The following EXT1 variants were observed in gnomAD, a reference collection of about 807,000 sequenced individuals.
The protein encoded by EXT1 is exostosin glycosyltransferase 1, also known as exostosin-1.
Under a neutral mutation model 82.5 loss-of-function variants are expected in EXT1, and 20 were observed. That is an observed-to-expected ratio of 0.24 (90% CI 0.17 to 0.35). The LOEUF (loss-of-function observed/expected upper bound fraction) is 0.35. Among genes scored for constraint, EXT1 ranks in the 10% least tolerant of loss-of-function variants. The pLI, the probability that EXT1 is intolerant of heterozygous loss-of-function variation, is 1.00. For synonymous variants in EXT1, 348 were observed against 350.8 expected (o/e 0.99, Z 0.09); for missense variants, 757 against 936.5 (o/e 0.81, Z 2.50).
At chr8:117,861,983 C>T (rs1389649041) in intron 1 of EXT1, among the ~76,000 whole-genome samples, 1 of 145,694 alleles carries the variant, frequency 6.9e-6, no homozygotes, top group African/African-American at 2.4e-5. Flanking sequence ...AAGCCACGGA[C>T]ATTAGTGTGA....
At chr8:118,012,036 T>C (rs933439990) in intron 1 of EXT1, among the ~76,000 whole-genome samples, 8 of 152,188 alleles carry the variant, frequency 5.3e-5, no homozygotes, top group African/African-American at 1.9e-4. Flanking sequence ...AGAGGTTTGT[T>C]CTCAGATCCA....
intron 1 of EXT1, among the ~76,000 whole-genome samples, chr8:118,051,263 C>T (rs1816712723): frequency 6.6e-6 from 1 of 151,872 alleles, no homozygotes; most frequent in Non-Finnish European, 1.5e-5. Context: ...CACTGGAGCT[C>T]GGAGGTCGAG....
intron 1 of EXT1, among the ~76,000 whole-genome samples, chr8:117,908,576 G>A (rs1274913689): frequency 2.6e-5 from 4 of 151,652 alleles, no homozygotes; most frequent in African/African-American, 4.8e-5. Context: ...GTTGCAGTGA[G>A]CCAAGATCGT....
chr8:117,978,616 A>G (rs905183052), intron 1 of EXT1, among the ~76,000 whole-genome samples: 2 of 152,234 alleles, frequency 1.3e-5, no homozygotes, highest in African/African-American at 4.8e-5. Context: ...GGAATAATAA[A>G]CTAAAAATTC....
chr8:118,082,424 T>C (rs544114022), intron 1 of EXT1, among the ~76,000 whole-genome samples: 165 of 152,354 alleles, frequency 1.1e-3, no homozygotes, highest in African/African-American at 3.9e-3. Context: ...ATCTTAAGAT[T>C]ACGGCTGGAA....
At chr8:118,050,968 C>G (rs528254198) in intron 1 of EXT1, among the ~76,000 whole-genome samples, 198 of 152,226 alleles carry the variant, frequency 1.3e-3, no homozygotes, top group Middle Eastern at 3.4e-3. Context: ...CATCACACCT[C>G]ACAGAAAGAA....
chr8:117,929,345 G>A (rs533415328), intron 1 of EXT1, among the ~76,000 whole-genome samples: 1 of 152,290 alleles, frequency 6.6e-6, no homozygotes, highest in Admixed American at 6.5e-5. Context: ...AGCTCTGAGT[G>A]CTTCCCTCTT....
intron 7 of EXT1, among the ~76,000 whole-genome samples, chr8:117,817,359 T>C (rs1212331806): frequency 1.3e-5 from 2 of 152,144 alleles, no homozygotes. Flanking sequence ...AATAAACTGA[T>C]TTTGTCATTC....
chr8:118,028,383 G>C (rs1816240755), intron 1 of EXT1, among the ~76,000 whole-genome samples: 1 of 152,168 alleles, frequency 6.6e-6, no homozygotes, highest in Admixed American at 6.5e-5. Context: ...ATTCTTGATA[G>C]AAATTCCAAC....
chr8:117,898,004 C>T (rs918337109), intron 1 of EXT1, among the ~76,000 whole-genome samples: 1 of 152,176 alleles, frequency 6.6e-6, no homozygotes, highest in Non-Finnish European at 1.5e-5. Context: ...AAAATACTTT[C>T]TAAGTGATTA....
At chr8:118,014,203 A>C (rs1815960786) in intron 1 of EXT1, among the ~76,000 whole-genome samples, 2 of 152,320 alleles carry the variant, frequency 1.3e-5, no homozygotes, top group South Asian at 4.1e-4. Context: ...AATGGGGTTA[A>C]AGATATTGGT....
At chr8:117,856,488 G>A (rs555996545) in intron 1 of EXT1, among the ~76,000 whole-genome samples, 86 of 137,942 alleles carry the variant, frequency 6.2e-4, no homozygotes, top group Non-Finnish European at 2.3e-4. Flanking sequence ...GGATGGTCTC[G>A]ATCTCCTGAC....
chr8:118,077,861 CTATAT>C (rs58611425), intron 1 of EXT1, among the ~76,000 whole-genome samples: 45,708 of 151,570 alleles, frequency 0.3, 7,338 homozygotes, highest in East Asian at 0.49. Context: ...TACTTACAGC[CTATAT>C]TATAATTTCG....
rs146983754 is a variant in EXT1 at position 117,835,464 on chromosome 8, C to T, written c.1144G>A (p.Asp382Asn). ...CTTACCTGTAATAACAATCTCTCAT[C>T]GCCTATGACGGCAGCTTGGTTCCAA... ...INWNQAAVIG[D>N]ERLLLQIPST... The change falls in exon 3 of 11, where the codon GAT becomes AAT. Residue 382 changes from aspartate to asparagine, a missense_variant. This residue lies in a region of EXT1 where 247 missense variants were observed against 330.1 expected (regional missense o/e 0.75). Transcript: ENST00000378204. 2.3e-5 allele frequency: 37 copies of T among 1,613,812 alleles called. No individual in the cohort carries two copies. Among genetic ancestry groups the T allele is most frequent in the Middle Eastern group, 1.6e-4 (1 of 6,084 alleles).
intron 1 of EXT1, among the ~76,000 whole-genome samples, chr8:117,936,811 G>T (rs778975481): frequency 7.9e-5 from 12 of 152,138 alleles, no homozygotes; most frequent in Non-Finnish European, 1.5e-4. Flanking sequence ...GGAGGTGGAG[G>T]TTGCAGTGAG....
In EXT1 at chr8:117,853,194, G is replaced by A. The variant is rs189335809; in HGVS notation, c.963-15993C>T. On this transcript the variant is annotated intron_variant, in intron 1 of 10. Transcript: ENST00000378204. ...TGCTGTGATGTAGACTAAATCCATC[G>A]GATGGTTTGCAAAACAAAGGTTAGG... 1.2e-4 allele frequency among the ~76,000 whole-genome samples: 19 copies of A among 152,224 alleles called. No homozygotes were observed. The East Asian group carries it at 3.5e-3, about 28-fold the overall frequency.
chr8:117,860,838 C>T (rs1812669519), intron 1 of EXT1, among the ~76,000 whole-genome samples: 1 of 152,178 alleles, frequency 6.6e-6, no homozygotes, highest in South Asian at 2.1e-4. Flanking sequence ...ACTTACCTGG[C>T]CCCTGTAGGC....
At chr8:118,008,282 A>G (rs1815822213) in intron 1 of EXT1, among the ~76,000 whole-genome samples, 1 of 151,656 alleles carries the variant, frequency 6.6e-6, no homozygotes, top group Non-Finnish European at 1.5e-5. Flanking sequence ...TATTTGAGAC[A>G]GAGTTTTGCT....
intron 1 of EXT1, among the ~76,000 whole-genome samples, chr8:117,852,336 C>G (rs1360311595): frequency 6.6e-6 from 1 of 152,186 alleles, no homozygotes; most frequent in Admixed American, 6.5e-5. Context: ...TTTATGTCTT[C>G]TAACCAAAGA....
Sources: gnomAD v4.1 joint callset for allele counts (sites outside exome capture counted in the v4.1 genomes callset) on GRCh38, gnomAD v4.1.1 for gene constraint, gnomAD v4.1.1 regional missense constraint, MANE v1.5 for transcripts, NCBI Gene and HGNC (gene_info 2026-07-23, HGNC 2026-07-21) for gene names.